Variants in CDH12 observed in about 807,000 individuals in gnomAD.
CDH12 encodes cadherin-12.
Under a neutral mutation model 74.1 loss-of-function variants are expected in CDH12, and 41 were observed. That is an observed-to-expected ratio of 0.55 (90% confidence interval 0.43 to 0.72). The LOEUF (loss-of-function observed/expected upper bound fraction) is 0.72. CDH12 is among the 30% of genes least tolerant of loss of function. The pLI, the probability that CDH12 is intolerant of heterozygous loss-of-function variation, is 0.00. For synonymous variants in CDH12, 399 were observed against 355.0 expected, an observed-to-expected ratio of 1.12 and a Z score of -1.39; for missense variants, 945 against 977.2, an observed-to-expected ratio of 0.97 and a Z score of 0.44.
chr5:21,970,870 A>T, intron 6 of CDH12, among the ~76,000 whole-genome samples: 1 of 144,686 alleles, frequency 6.9e-6, no homozygotes, highest in African/African-American at 2.6e-5. Flanking sequence ...AAAAAAAAAA[A>T]AAAAGAAAAA....
rs536464817 is a variant in CDH12 at position 22,554,374 on chromosome 5, T to C, written c.-522-49010A>G. Among the ~76,000 whole-genome samples the C allele has an allele frequency of 2.7e-3, 405 of 152,244 alleles. 2 individuals carry two copies. Among genetic ancestry groups the C allele is most frequent in the South Asian group, 8.1e-3 (39 of 4,822 alleles). ...ACAAAAGTACCACTCTGTTGGGAGA[T>C]GTTGATAATGAGGGAGGCTATGAAT... On this transcript the variant is annotated intron_variant, in intron 1 of 14. Coordinates refer to ENST00000382254, the MANE Select transcript of CDH12 (RefSeq NM_004061.5).
At chr5:22,284,535 T>C (rs1737051921) in intron 3 of CDH12, among the ~76,000 whole-genome samples, 1 of 152,188 alleles carries the variant, frequency 6.6e-6, no homozygotes. Flanking sequence ...TTTCCTGCCA[T>C]GTGGGCTCTT....
intron 1 of CDH12, among the ~76,000 whole-genome samples, chr5:22,679,020 A>G (rs192977535): frequency 8.5e-5 from 13 of 152,274 alleles, no homozygotes; most frequent in African/African-American, 3.1e-4. Flanking sequence ...AGTTGAGGTT[A>G]TCCATGGGAC....
intron 2 of CDH12, among the ~76,000 whole-genome samples, chr5:22,452,336 G>A (rs1177020662): frequency 6.6e-6 from 1 of 151,952 alleles, no homozygotes; most frequent in Non-Finnish European, 1.5e-5. Context: ...CAAAGCTATA[G>A]TAATCAAAAC....
intron 1 of CDH12, among the ~76,000 whole-genome samples, chr5:22,818,563 G>A: frequency 6.6e-6 from 1 of 152,100 alleles, no homozygotes; most frequent in African/African-American, 2.4e-5. Flanking sequence ...GACAAGCAAT[G>A]ACATCATTTG....
intron 3 of CDH12, among the ~76,000 whole-genome samples, chr5:22,352,454 C>T (rs181926320): frequency 9.2e-4 from 139 of 150,778 alleles, no homozygotes; most frequent in African/African-American, 2.8e-3. Flanking sequence ...TGTCTTCTGA[C>T]GGCAAAATAA....
At chr5:22,052,339 G>T (rs2150195426) in intron 5 of CDH12, among the ~76,000 whole-genome samples, 1 of 152,042 alleles carries the variant, frequency 6.6e-6, no homozygotes, top group South Asian at 2.1e-4. Flanking sequence ...AGCATAACTG[G>T]CAACCTAAAA....
intron 3 of CDH12, among the ~76,000 whole-genome samples, chr5:22,303,651 T>A (rs1737988134): frequency 6.6e-6 from 1 of 152,176 alleles, no homozygotes; most frequent in Non-Finnish European, 1.5e-5. Flanking sequence ...ATCCTCATTA[T>A]CCAAATACTC....
intron 4 of CDH12, chr5:22,144,177 T>C (rs1401231599): frequency 6.6e-6 from 1 of 152,178 alleles, no homozygotes; most frequent in East Asian, 1.9e-4. Context: ...AAATAAATCA[T>C]TTTCCCTAGA....
intron 3 of CDH12, among the ~76,000 whole-genome samples, chr5:22,357,162 G>A (rs147188533): frequency 6.6e-6 from 1 of 152,142 alleles, no homozygotes; most frequent in East Asian, 1.9e-4. Flanking sequence ...TTCTGACAAG[G>A]CAAAAGTGAA....
chr5:22,692,654 A>G (rs1742144333), intron 1 of CDH12, among the ~76,000 whole-genome samples: 1 of 152,238 alleles, frequency 6.6e-6, no homozygotes, highest in Non-Finnish European at 1.5e-5. Context: ...ATGCTACAGC[A>G]TGATGACAGT....
chr5:22,197,575 C>G (rs1750694851), intron 4 of CDH12, among the ~76,000 whole-genome samples: 1 of 152,122 alleles, frequency 6.6e-6, no homozygotes, highest in Non-Finnish European at 1.5e-5. Flanking sequence ...TGTTTCTTTT[C>G]TGATTAGTCA....
intron 1 of CDH12, among the ~76,000 whole-genome samples, chr5:22,737,985 G>T (rs992585697): frequency 2.1e-4 from 32 of 152,114 alleles, no homozygotes; most frequent in African/African-American, 7.7e-4. Flanking sequence ...CGTTAGTTAT[G>T]ATTATCTGGG....
At chr5:22,852,263 T>C (rs1737591188) in intron 1 of CDH12, among the ~76,000 whole-genome samples, 1 of 152,198 alleles carries the variant, frequency 6.6e-6, no homozygotes, top group African/African-American at 2.4e-5. Flanking sequence ...ACAGAGGTTC[T>C]AAATACACTG....
At chr5:22,191,666 G>GTCACA (rs398072456) in intron 4 of CDH12, among the ~76,000 whole-genome samples, 9 of 141,284 alleles carry the variant, frequency 6.4e-5, no homozygotes, top group South Asian at 2.3e-4. Flanking sequence ...CCGGGTTCAC[G>GTCACA]CCATTCTCCT....
intron 1 of CDH12, among the ~76,000 whole-genome samples, chr5:22,775,507 A>G (rs1361075706): frequency 6.6e-6 from 1 of 152,090 alleles, no homozygotes; most frequent in East Asian, 1.9e-4. Flanking sequence ...GAAAATTAAA[A>G]TATTAAATAA....
At chr5:22,336,982 C>A (rs910130056) in intron 3 of CDH12, among the ~76,000 whole-genome samples, 1 of 152,176 alleles carries the variant, frequency 6.6e-6, no homozygotes, top group East Asian at 1.9e-4. Context: ...CCTGCAAAGC[C>A]ACAGGGTTGG....
intron 9 of CDH12, among the ~76,000 whole-genome samples, 157 bp downstream of exon 9, chr5:21,816,788 G>A (rs980490281): frequency 3.3e-5 from 5 of 151,684 alleles, no homozygotes; most frequent in South Asian, 2.1e-4. Flanking sequence ...GATTTTTGAC[G>A]GCACGGAGTA....
intron 1 of CDH12, among the ~76,000 whole-genome samples, chr5:22,637,991 A>G (rs915480346): frequency 4.6e-5 from 7 of 152,198 alleles, no homozygotes; most frequent in African/African-American, 1.7e-4. Context: ...TAGGGCTCAG[A>G]TTAATTCACT....
Sources: allele counts gnomAD v4.1 joint callset (sites outside exome capture counted in the v4.1 genomes callset), GRCh38; gene constraint gnomAD v4.1.1; transcripts MANE v1.5; gene names NCBI Gene and HGNC (gene_info 2026-07-23, HGNC 2026-07-21).